NASP: variants seen among roughly 807,000 people sequenced by gnomAD.
NASP encodes the protein nuclear autoantigenic sperm protein.
In NASP, 24 loss-of-function variants were observed where a neutral mutation model predicts 89.5. The observed-to-expected ratio is 0.27, with a 90% CI of 0.19 to 0.38. The LOEUF is 0.38. Ranked by LOEUF, NASP falls within the 10% of genes least tolerant of loss-of-function variation. NASP has a pLI of 1.00. For missense variants in NASP, 848 were observed against 921.4 expected (o/e 0.92, Z 1.03); for synonymous variants, 306 against 324.7 (o/e 0.94, Z 0.62).
Position 45,615,479 on chromosome 1 carries a change from C to G in NASP, c.2022+8C>G. The G allele has an allele frequency of 6.2e-7, 1 of 1,601,058 alleles. No homozygotes were observed. Among genetic ancestry groups the G allele is most frequent in the Non-Finnish European group, 8.5e-7 (1 of 1,175,900 alleles). On this transcript the variant is annotated splice_region_variant and intron_variant, in intron 11 of 14. Coordinates refer to ENST00000350030, the MANE Select transcript of NASP (RefSeq NM_002482.4). ...GCTCTGAAAGCTACTCTGGTTGGTTCCGTTAACATTTTGATAATAGCATGT... is the reference window on the plus strand; with the variant it reads ...GCTCTGAAAGCTACTCTGGTTGGTTGCGTTAACATTTTGATAATAGCATGT...
rs775029114 is a variant in NASP at position 45,617,670 on chromosome 1, A to C, written c.2286+79A>C. 5 of 1,457,942 alleles carry C rather than the reference A, an allele frequency of 3.4e-6. No homozygotes were observed. In the East Asian group the frequency reaches 7.0e-5, roughly 20 times the overall value. 90.3% of individuals were successfully genotyped at this position (1,457,942 alleles called of 1,614,324 possible). ...TGGGGAAATCAGTCCTCTCAAGTGC[A>C]TGCTCCCCACCTTGAGCCTGCTAAC... On this transcript the variant is annotated intron_variant, in intron 14 of 14. Coordinates refer to ENST00000350030, the MANE Select transcript of NASP (RefSeq NM_002482.4).
At chr1:45,617,916 C>T (rs1369023616) in intron 14 of NASP, 145 bp from the exon 15 acceptor site, 2 of 693,218 alleles carry the variant, frequency 2.9e-6, no homozygotes, top group African/African-American at 1.8e-5. Flanking sequence ...TCAAGAAATA[C>T]TTTGTGGTCA....
At chr1:45,613,483 C>T (rs1045377842) in intron 7 of NASP, among the ~76,000 whole-genome samples, 2 of 152,040 alleles carry the variant, frequency 1.3e-5, no homozygotes, top group Non-Finnish European at 2.9e-5. Flanking sequence ...AGTTTAGGCA[C>T]GATTATTATT....
chr1:45,602,423 T>C (rs1024259652), intron 3 of NASP, 58 bp downstream of exon 3: 1 of 1,489,006 alleles, frequency 6.7e-7, no homozygotes, highest in South Asian at 1.2e-5. Flanking sequence ...CCTTGAGTTA[T>C]CAAAAATTAT....
chr1:45,588,718 C>T, intron 1 of NASP: 1 of 398,156 alleles, frequency 2.5e-6, no homozygotes, highest in Non-Finnish European at 5.0e-6. Context: ...GTGGGCAGAT[C>T]ACGAGGTCAG....
chr1:45,584,737 C>A (rs1382484973), intron 1 of NASP, among the ~76,000 whole-genome samples: 2 of 152,112 alleles, frequency 1.3e-5, no homozygotes. Flanking sequence ...CTTCCCTCGC[C>A]GGCCCTGGGG....
intron 2 of NASP, chr1:45,600,342 A>G (rs1570971442): frequency 8.9e-6 from 11 of 1,242,850 alleles, no homozygotes; most frequent in South Asian, 7.0e-5. Flanking sequence ...CATCACCTCA[A>G]AGTTTTTTCC....
chr1:45,607,181 G>A, intron 5 of NASP, 140 bp from the exon 6 acceptor site: 1 of 828,602 alleles, frequency 1.2e-6, no homozygotes, highest in Non-Finnish European at 1.9e-6. Flanking sequence ...TTTCTCTAGG[G>A]GGCAGATAAT....
intron 2 of NASP, among the ~76,000 whole-genome samples, chr1:45,592,094 T>A (rs1358456529): frequency 6.6e-6 from 1 of 152,056 alleles, no homozygotes; most frequent in East Asian, 1.9e-4. Flanking sequence ...TTCAAGCAAT[T>A]CTGCCTCAGT....
chr1:45,615,420 G>C lies in NASP; in HGVS notation c.1971G>C (p.Lys657Asn). The change falls in exon 11 of 15, where the codon AAG becomes AAC. Residue 657 changes from lysine to asparagine, a missense_variant. Physicochemically the swap from Lys to Asn is moderately conservative, Grantham distance 94. Coordinates refer to ENST00000350030, the MANE Select transcript of NASP (RefSeq NM_002482.4). ...TTAGAGAGAAGATAGAAGATGCAAA[G>C]GAGTCTCAGCGTAGTGGGAATGTAG... The part of the protein sequence containing the change: ...PEIREKIEDA[K>N]ESQRSGNVAE... 6.2e-7 allele frequency: 1 copy of C among 1,614,086 alleles called. No homozygotes were observed. Among genetic ancestry groups the C allele is most frequent in the East Asian group, 2.2e-5 (1 of 44,908 alleles).
At position 45,615,483 on chromosome 1, in the gene NASP, T is replaced by C. The variant is rs1462436337; in HGVS notation, c.2022+12T>C. ...TGAAAGCTACTCTGGTTGGTTCCGT[T>C]AACATTTTGATAATAGCATGTTTGG... On this transcript the variant is annotated intron_variant, in intron 11 of 14. Transcript: ENST00000350030. 1 of 1,600,146 alleles carries C rather than the reference T, an allele frequency of 6.2e-7. No homozygotes were observed. Among genetic ancestry groups the C allele is most frequent in the Non-Finnish European group, 8.5e-7 (1 of 1,175,398 alleles).
intron 2 of NASP, among the ~76,000 whole-genome samples, chr1:45,597,567 T>C (rs909409977): frequency 6.6e-6 from 1 of 152,150 alleles, no homozygotes; most frequent in East Asian, 1.9e-4. Flanking sequence ...AATTTTTGTT[T>C]TGAAGAGTTA....
At chr1:45,586,284 G>GTGTGTGTGTGT (rs1202771599) in intron 1 of NASP, among the ~76,000 whole-genome samples, 3 of 100,474 alleles carry the variant, frequency 3.0e-5, no homozygotes, top group African/African-American at 8.9e-5. Flanking sequence ...GTGTGTGTGT[G>GTGTGTGTGTGT]GTGTGTGTGT....
At chr1:45,613,830 T>G (rs1002612737) in intron 7 of NASP, among the ~76,000 whole-genome samples, 5 of 152,132 alleles carry the variant, frequency 3.3e-5, no homozygotes, top group African/African-American at 1.2e-4. Flanking sequence ...GATTATGGAT[T>G]AGGGACCCTT....
intron 6 of NASP, chr1:45,609,793 T>C (rs1253538791): frequency 2.0e-5 from 3 of 152,356 alleles, no homozygotes; most frequent in Middle Eastern, 3.4e-3. Flanking sequence ...ATGACTTGTT[T>C]AGGGTCATAA....
chr1:45,587,201 T>G (rs780579870), intron 1 of NASP, among the ~76,000 whole-genome samples: 13 of 152,048 alleles, frequency 8.5e-5, no homozygotes, highest in Admixed American at 2.6e-4. Context: ...TTTTGTTGTT[T>G]TTTTTTTGAG....
intron 12 of NASP, 42 bp downstream of exon 12, chr1:45,616,435 CAG>C (rs1557667975): frequency 1.9e-6 from 3 of 1,595,766 alleles, no homozygotes; most frequent in Non-Finnish European, 1.7e-6. Context: ...CATTAAGTCT[CAG>C]TGTTGGCTCA....
At chr1:45,615,942 G>A (rs1453275761) in intron 11 of NASP, among the ~76,000 whole-genome samples, 2 of 152,156 alleles carry the variant, frequency 1.3e-5, no homozygotes, top group Non-Finnish European at 2.9e-5. Flanking sequence ...TAGTACATAT[G>A]TGTAAAATAT....
intron 1 of NASP, among the ~76,000 whole-genome samples, chr1:45,588,069 G>C (rs185501334): frequency 6.8e-6 from 1 of 148,116 alleles, no homozygotes; most frequent in Non-Finnish European, 1.5e-5. Flanking sequence ...GCAAAACCCC[G>C]TCTCTACTAA....
Sources: allele counts gnomAD v4.1 joint callset (sites outside exome capture counted in the v4.1 genomes callset), GRCh38; gene constraint gnomAD v4.1.1; transcripts MANE v1.5; gene names NCBI Gene and HGNC (gene_info 2026-07-23, HGNC 2026-07-21).